The following C9 variants were observed in gnomAD, a reference collection of about 807,000 sequenced individuals.
C9 encodes complement component C9.
In C9, 63 loss-of-function variants were observed where a neutral mutation model predicts 65.4. The observed-to-expected ratio is 0.96, with a 90% CI of 0.79 to 1.19. C9 has a LOEUF of 1.19. Among genes scored for constraint, C9 ranks in the 50% most tolerant of loss-of-function variants. C9 has a pLI of 0.00. For missense variants in C9, 744 were observed against 670.1 expected, an observed-to-expected ratio of 1.11 and a Z score of -1.22; for synonymous variants, 229 against 227.9, an observed-to-expected ratio of 1.00 and a Z score of -0.04.
intron 8 of C9, 105 bp from the exon 9 acceptor site, chr5:39,306,897 A>G (rs1753391412): frequency 2.7e-6 from 2 of 746,830 alleles, no homozygotes; most frequent in Non-Finnish European, 4.7e-6. Context: ...TTAGTAAAAT[A>G]CAGCCTAATG....
At chr5:39,295,765 A>G (rs754677270) in intron 9 of C9, among the ~76,000 whole-genome samples, 18 of 151,726 alleles carry the variant, frequency 1.2e-4, no homozygotes, top group Non-Finnish European at 2.1e-4. Context: ...GGAGTATCGC[A>G]TTATCGGATC....
rs1160984012 is a variant in C9, at chr5:39,288,851, C to T, written c.1517G>A (p.Ser506Asn). The T allele has an allele frequency of 1.9e-6, 3 of 1,611,146 alleles. No homozygotes were observed. Among genetic ancestry groups the T allele is most frequent in the East Asian group, 2.2e-5 (1 of 44,770 alleles). The change falls in exon 10 of 11, where the codon AGT (serine) becomes AAT (asparagine). Residue 506 changes from serine to asparagine, a missense_variant. Coordinates refer to ENST00000263408, the MANE Select transcript of C9 (RefSeq NM_001737.5). ...RAIEDYINEF[S>N]VRKCHTCQNG... is the part of the protein sequence containing the mutation. ...TTGGCATGTGTGGCATTTTCTTACACTAAATTCATTGATATAGTCTTCAAT... is the reference window on the plus strand; with the variant it reads ...TTGGCATGTGTGGCATTTTCTTACATTAAATTCATTGATATAGTCTTCAAT...
intron 1 of C9, among the ~76,000 whole-genome samples, chr5:39,351,193 G>A (rs1342569441): frequency 1.3e-5 from 2 of 152,176 alleles, no homozygotes; most frequent in Non-Finnish European, 2.9e-5. Flanking sequence ...GATGCAGGGT[G>A]TCATGTCCCA....
chr5:39,308,626 G>A (rs1410190782), intron 7 of C9, among the ~76,000 whole-genome samples: 1 of 152,176 alleles, frequency 6.6e-6, no homozygotes, highest in African/African-American at 2.4e-5. Context: ...GGTGGTTATA[G>A]TAAAGTCTTT....
chr5:39,351,521 G>T (rs895677758), intron 1 of C9, among the ~76,000 whole-genome samples: 1 of 152,162 alleles, frequency 6.6e-6, no homozygotes, highest in African/African-American at 2.4e-5. Context: ...TAGGATTTTA[G>T]AAGCAGCCAG....
chr5:39,312,716 TC>T (rs1220270423), intron 6 of C9, among the ~76,000 whole-genome samples: 1 of 152,266 alleles, frequency 6.6e-6, no homozygotes, highest in East Asian at 1.9e-4. Context: ...TGCAAATGGA[TC>T]TTTTGAGGGT....
chr5:39,341,597 T>C lies in C9; in HGVS notation c.287A>G (p.Asp96Gly), dbSNP rs370396956. ...RQCVPTEPCE[D>G]AEDDCGNDFQ... Reference sequence around the variant, plus strand: ...GTCATTTCCGCAGTCATCCTCAGCATCCTCACAGGGCTCTGTGGGCACACA... The same window carrying C: ...GTCATTTCCGCAGTCATCCTCAGCACCCTCACAGGGCTCTGTGGGCACACA... The change falls in exon 3 of 11, where the codon GAT becomes GGT. Residue 96 changes from aspartate (D) to glycine (G), a missense_variant. Physicochemically the swap from Asp to Gly is moderately conservative, Grantham distance 94 (BLOSUM62 -1). Coordinates refer to ENST00000263408, the MANE Select transcript of C9 (RefSeq NM_001737.5). The C allele has an allele frequency of 1.9e-6, 3 of 1,614,116 alleles. No individual in the cohort carries two copies. Among genetic ancestry groups the C allele is most frequent in the Non-Finnish European group, 2.5e-6 (3 of 1,179,944 alleles).
chr5:39,306,985 AC>A (rs1195047988), intron 8 of C9, among the ~76,000 whole-genome samples, 193 bp from the exon 9 acceptor site: 1 of 152,198 alleles, frequency 6.6e-6, no homozygotes, highest in Non-Finnish European at 1.5e-5. Context: ...TACATTAGTA[AC>A]CAGTTGTAGA....
At chr5:39,350,738 G>C (rs1038944329) in intron 1 of C9, among the ~76,000 whole-genome samples, 1 of 152,164 alleles carries the variant, frequency 6.6e-6, no homozygotes, top group African/African-American at 2.4e-5. Context: ...CTCTGCTTCT[G>C]TGCCGCTGCC....
At chr5:39,314,753 A>G (rs75566876) in intron 6 of C9, among the ~76,000 whole-genome samples, 4,507 of 152,254 alleles carry the variant, frequency 0.03, 205 homozygotes, top group African/African-American at 0.1. Flanking sequence ...CCATGAAGCT[A>G]AGCCTGAGCT....
chr5:39,315,722 G>A (rs1215033391), intron 6 of C9, 53 bp downstream of exon 6: 2 of 1,322,816 alleles, frequency 1.5e-6, no homozygotes, highest in East Asian at 2.3e-5. Context: ...TACTTAAAGA[G>A]TCTGGGTAGT....
Position 39,342,177 on chromosome 5 carries a change from CT to C in C9, c.96del (p.Glu33LysfsTer9), listed in dbSNP as rs772129963. On this transcript the variant is annotated frameshift_variant, in exon 2 of 11. Coordinates refer to ENST00000263408, the MANE Select transcript of C9 (RefSeq NM_001737.5). LOFTEE classifies it high-confidence loss of function. Reference sequence around the variant, plus strand: ...ATGTGTGATGCAGAGCCACTGCTTTCTGTTAGCTCTGGGTCATAACTAAGAT... The same window carrying C: ...ATGTGTGATGCAGAGCCACTGCTTTCGTTAGCTCTGGGTCATAACTAAGAT... ...QYTTSYDPEL[T>X]ESSGSASHID... The C allele has an allele frequency of 6.3e-7, 1 of 1,597,632 alleles. No homozygotes were observed. The highest frequency in any genetic ancestry group is 1.7e-5 in the Admixed American group (1 of 59,998).
chr5:39,343,243 G>A (rs1008512136), intron 1 of C9, among the ~76,000 whole-genome samples: 1 of 152,194 alleles, frequency 6.6e-6, no homozygotes, highest in Admixed American at 6.5e-5. Flanking sequence ...GCCTCACCCG[G>A]GAAGTGCAAG....
Position 39,331,718 on chromosome 5 carries a change from T to A in C9, c.573A>T (p.Thr191=), listed in dbSNP as rs1272228900. The change falls in exon 5 of 11, where the codon ACA becomes ACT. Residue 191 remains threonine (T), a synonymous_variant. Coordinates refer to ENST00000263408, the MANE Select transcript of C9 (RefSeq NM_001737.5). ...CNRDRDGNTL[T]YYRRPWNVAS... Reference sequence around the variant, plus strand: ...CCACGTTCCAAGGTCTTCGGTAGTATGTCAGAGTGTTTCCATCCCGATCCC... The same window carrying A: ...CCACGTTCCAAGGTCTTCGGTAGTAAGTCAGAGTGTTTCCATCCCGATCCC... 1.9e-6 allele frequency: 3 copies of A among 1,613,842 alleles called. No homozygotes were observed. The highest frequency in any genetic ancestry group is 2.2e-5 in the South Asian group (2 of 91,090).
At chr5:39,364,170 T>C (rs542262480) in intron 1 of C9, among the ~76,000 whole-genome samples, 1 of 152,302 alleles carries the variant, frequency 6.6e-6, no homozygotes, top group East Asian at 1.9e-4. Flanking sequence ...TTGAGTGCCT[T>C]GTTGAAAATA....
intron 1 of C9, among the ~76,000 whole-genome samples, chr5:39,355,354 A>T (rs1754396596): frequency 1.3e-5 from 2 of 152,200 alleles, no homozygotes; most frequent in Admixed American, 6.5e-5. Context: ...TACTGGCATT[A>T]CCTCTAGACA....
At chr5:39,345,902 A>T (rs898741094) in intron 1 of C9, among the ~76,000 whole-genome samples, 1 of 152,164 alleles carries the variant, frequency 6.6e-6, no homozygotes, top group African/African-American at 2.4e-5. Flanking sequence ...AAACTGAACA[A>T]CCTGCTTCTG....
intron 9 of C9, among the ~76,000 whole-genome samples, chr5:39,305,548 C>T (rs1331055623): frequency 3.3e-5 from 5 of 151,246 alleles, no homozygotes; most frequent in South Asian, 2.1e-4. Flanking sequence ...AAACATACGG[C>T]GAAAATTGAA....
intron 5 of C9, among the ~76,000 whole-genome samples, chr5:39,322,974 C>T (rs1395684030): frequency 6.6e-6 from 1 of 151,932 alleles, no homozygotes; most frequent in Non-Finnish European, 1.5e-5. Flanking sequence ...CTCATAGATA[C>T]TGAGGGACAG....
Sources: gnomAD v4.1 joint callset for allele counts (sites outside exome capture counted in the v4.1 genomes callset) on GRCh38, gnomAD v4.1.1 for gene constraint, MANE v1.5 for transcripts, NCBI Gene and HGNC (gene_info 2026-07-23, HGNC 2026-07-21) for gene names.